The following SLIT3 variants were observed in gnomAD, a reference collection of about 807,000 sequenced individuals.
SLIT3 encodes slit guidance ligand 3, also known as slit homolog 3 protein.
Under a neutral mutation model 184.0 loss-of-function variants are expected in SLIT3, and 68 were observed. The observed-to-expected ratio is 0.37, with a 90% CI of 0.30 to 0.45. SLIT3 has a LOEUF of 0.45. SLIT3 is among the 20% of genes least tolerant of loss of function. The pLI, the probability that SLIT3 is intolerant of heterozygous loss-of-function variation, is 1.00. For missense variants in SLIT3, 1,707 were observed against 2,026.0 expected (o/e 0.84, Z 3.02); for synonymous variants, 831 against 828.6 (o/e 1.00, Z -0.05).
intron 32 of SLIT3, among the ~76,000 whole-genome samples, chr5:168,679,719 G>A (rs1761524296): frequency 6.6e-6 from 1 of 152,116 alleles, no homozygotes; most frequent in South Asian, 2.1e-4. Flanking sequence ...CCCCACTGCA[G>A]CAACCCCCTA....
intron 4 of SLIT3, among the ~76,000 whole-genome samples, chr5:169,175,246 G>A (rs922418435): frequency 3.3e-5 from 5 of 152,186 alleles, no homozygotes; most frequent in African/African-American, 9.7e-5. Flanking sequence ...CACAACTCTG[G>A]CTGTTGCTAT....
intron 20 of SLIT3, among the ~76,000 whole-genome samples, chr5:168,746,419 A>G (rs1356186586): frequency 6.1e-4 from 16 of 26,240 alleles, no homozygotes; most frequent in East Asian, 1.4e-3. Flanking sequence ...GTAGTGTGTG[A>G]GTGTGGTGGT....
At chr5:169,182,440 A>T (rs1422368416) in intron 4 of SLIT3, among the ~76,000 whole-genome samples, 1 of 152,254 alleles carries the variant, frequency 6.6e-6, no homozygotes, top group African/African-American at 2.4e-5. Context: ...AATGGAATTT[A>T]ATGTTCAAAT....
At chr5:168,894,165 A>G (rs916094029) in intron 4 of SLIT3, among the ~76,000 whole-genome samples, 12 of 152,192 alleles carry the variant, frequency 7.9e-5, no homozygotes, top group South Asian at 2.1e-4. Flanking sequence ...CAAAAAACCT[A>G]AAGGCAGAGT....
At chr5:169,263,974 T>A (rs1220601121) in intron 1 of SLIT3, among the ~76,000 whole-genome samples, 6 of 151,508 alleles carry the variant, frequency 4.0e-5, no homozygotes, top group Non-Finnish European at 5.9e-5. Context: ...AACGGGGTTT[T>A]TTTTTTTTAA....
intron 5 of SLIT3, among the ~76,000 whole-genome samples, chr5:168,873,730 T>C (rs1055802388): frequency 4.6e-5 from 7 of 152,080 alleles, no homozygotes; most frequent in Non-Finnish European, 1.0e-4. Flanking sequence ...GACTCCTCAC[T>C]AGTATTTTCT....
intron 9 of SLIT3, among the ~76,000 whole-genome samples, chr5:168,796,473 G>A (rs1756569072): frequency 6.6e-6 from 1 of 152,170 alleles, no homozygotes. Flanking sequence ...CCCAGGCTCA[G>A]GATCTCATCC....
rs1281595797 is a variant in SLIT3 at position 168,707,937 on chromosome 5, C to T, written c.2844+39G>A. On this transcript the variant is annotated intron_variant, in intron 26 of 35. Transcript: ENST00000519560. ...CTAGGGCCAGGGCTGAAGGAGGAGC[C>T]TGAGGCATGAACACGGGGGGGCAGG... is the stretch of plus-strand genomic sequence containing the variant. The T allele has an allele frequency of 1.1e-5, 18 of 1,612,846 alleles. No individual in the cohort carries two copies. In the Middle Eastern group the frequency reaches 5.0e-4, roughly 45 times the overall value.
chr5:168,700,519 T>C, intron 27 of SLIT3, 63 bp downstream of exon 27: 1 of 1,139,152 alleles, frequency 8.8e-7, no homozygotes, highest in Non-Finnish European at 1.3e-6. Context: ...GTCTTGGGTA[T>C]GTCTTTATTA....
chr5:168,799,624 C>T (rs932099121), intron 9 of SLIT3, among the ~76,000 whole-genome samples: 17 of 152,132 alleles, frequency 1.1e-4, no homozygotes, highest in African/African-American at 2.4e-4. Context: ...GGCAGGGGCA[C>T]GGCCGGCACA....
At chr5:169,193,431 C>A (rs11744813) in intron 4 of SLIT3, 48 bp downstream of exon 4, 253,489 of 1,526,788 alleles carry the variant, frequency 0.17, 23,716 homozygotes, top group East Asian at 0.43. Context: ...CCACATCACC[C>A]AAGCCAGGCA....
intron 4 of SLIT3, among the ~76,000 whole-genome samples, chr5:168,930,421 G>C (rs1343624430): frequency 6.6e-6 from 1 of 152,194 alleles, no homozygotes; most frequent in Non-Finnish European, 1.5e-5. Flanking sequence ...TTGAGGCTCT[G>C]AAGTCAGGCA....
intron 4 of SLIT3, among the ~76,000 whole-genome samples, chr5:169,070,397 C>T (rs1199517608): frequency 6.6e-6 from 1 of 152,144 alleles, no homozygotes; most frequent in African/African-American, 2.4e-5. Flanking sequence ...TGACCACACA[C>T]TCTGTATTGG....
intron 1 of SLIT3, among the ~76,000 whole-genome samples, chr5:169,257,590 G>A (rs1183976945): frequency 6.0e-4 from 69 of 115,638 alleles, no homozygotes; most frequent in African/African-American, 2.2e-3. Flanking sequence ...TCTGTCACCC[G>A]GGCTGGAGTG....
At chr5:168,848,726 C>T (rs1163799344) in intron 5 of SLIT3, among the ~76,000 whole-genome samples, 2 of 152,044 alleles carry the variant, frequency 1.3e-5, no homozygotes, top group Admixed American at 6.6e-5. Flanking sequence ...TATTTTTATA[C>T]TCTGAGAATA....
chr5:169,175,297 A>C (rs1170427877), intron 4 of SLIT3, among the ~76,000 whole-genome samples: 1 of 152,194 alleles, frequency 6.6e-6, no homozygotes, highest in East Asian at 1.9e-4. Flanking sequence ...GAAAAACAAA[A>C]TTATGGACCT....
chr5:168,969,213 C>A (rs1011967527), intron 4 of SLIT3, among the ~76,000 whole-genome samples: 1 of 152,190 alleles, frequency 6.6e-6, no homozygotes, highest in Non-Finnish European at 1.5e-5. Context: ...CCCACTGAGC[C>A]AATTCCTCTA....
intron 4 of SLIT3, among the ~76,000 whole-genome samples, chr5:169,039,305 GTTT>G (rs1248146030): frequency 7.1e-6 from 1 of 141,594 alleles, no homozygotes; most frequent in African/African-American, 2.7e-5. Flanking sequence ...TAAGAGTTAA[GTTT>G]TTTTTTGTGT....
intron 14 of SLIT3, among the ~76,000 whole-genome samples, chr5:168,764,318 A>G (rs2113512402): frequency 6.6e-6 from 1 of 152,218 alleles, no homozygotes; most frequent in South Asian, 2.1e-4. Context: ...GAATGATCTC[A>G]TTTAATCCTT....
Sources: gnomAD v4.1 joint callset for allele counts (sites outside exome capture counted in the v4.1 genomes callset) on GRCh38, gnomAD v4.1.1 for gene constraint, MANE v1.5 for transcripts, NCBI Gene and HGNC (gene_info 2026-07-23, HGNC 2026-07-21) for gene names.